Variants in MDN1 observed in about 807,000 individuals in gnomAD.
MDN1 encodes the protein midasin AAA ATPase 1.
Under a neutral mutation model 669.2 loss-of-function variants are expected in MDN1, and 266 were observed. That is an observed-to-expected ratio of 0.40 (90% CI 0.36 to 0.44). The LOEUF (loss-of-function observed/expected upper bound fraction) is 0.44. Ranked by LOEUF, MDN1 falls within the 20% of genes least tolerant of loss-of-function variation. The pLI, the probability that MDN1 is intolerant of heterozygous loss-of-function variation, is 1.00. For synonymous variants in MDN1, 2,385 were observed against 2,457.1 expected (o/e 0.97, Z 0.87); for missense variants, 5,940 against 6,754.0 (o/e 0.88, Z 4.22).
intron 2 of MDN1, among the ~76,000 whole-genome samples, chr6:89,801,400 C>T (rs1416299781): frequency 2.0e-5 from 3 of 152,170 alleles, no homozygotes; most frequent in Non-Finnish European, 4.4e-5. Flanking sequence ...CACCTATAAT[C>T]CCAGCAATCT....
rs1809467239 is a variant in MDN1, at chr6:89,658,259, G to A, written c.15133C>T (p.Gln5045Ter). The A allele has an allele frequency of 1.2e-6, 2 of 1,614,196 alleles. No homozygotes were observed. Among genetic ancestry groups the A allele is most frequent in the Non-Finnish European group, 1.7e-6 (2 of 1,180,034 alleles). ...GCGGCCCCAGCCAGCTCCATGGCCT[G>A]TGTGTTCTGCATGTTCTCCACACCA... Reference protein sequence around the residue: ...QTGVENMQNTQAMELAGAAPE... With the variant: ...QTGVENMQNT The change falls in exon 90 of 102, where the codon CAG becomes TAG. Residue 5045 changes from glutamine (Q) to a stop codon, truncating the protein, a stop_gained. Coordinates refer to ENST00000369393, the MANE Select transcript of MDN1 (RefSeq NM_014611.3). LOFTEE classifies it high-confidence loss of function.
chr6:89,744,933 T>C lies in MDN1; in HGVS notation c.4178+340A>G, dbSNP rs549978081. 1.6e-4 allele frequency among the ~76,000 whole-genome samples: 24 copies of C among 150,320 alleles called. No homozygotes were observed. In the South Asian group the frequency reaches 2.3e-3, roughly 15 times the overall value. ...TTTTCCATTAACAAAGAACCTAGTC[T>C]GAAGGTAGAGGAAACTAAACAGTAA... On this transcript the variant is annotated intron_variant, in intron 29 of 101. Coordinates refer to ENST00000369393, the MANE Select transcript of MDN1 (RefSeq NM_014611.3).
chr6:89,729,231 G>C (rs1165593474), intron 35 of MDN1, 92 bp from the exon 36 acceptor site: 40 of 958,336 alleles, frequency 4.2e-5, no homozygotes, highest in Middle Eastern at 6.4e-4. Context: ...CTACCACATG[G>C]GTTATCAGTT....
intron 27 of MDN1, among the ~76,000 whole-genome samples, chr6:89,746,080 A>G (rs1435631046): frequency 6.6e-6 from 1 of 152,204 alleles, no homozygotes; most frequent in Non-Finnish European, 1.5e-5. Context: ...TACATACTGC[A>G]TGGTGTCAGC....
chr6:89,776,776 G>T, intron 11 of MDN1, 81 bp from the exon 12 acceptor site: 1 of 1,015,552 alleles, frequency 9.8e-7, no homozygotes, highest in Non-Finnish European at 1.4e-6. Flanking sequence ...CTGGCCACAA[G>T]AGGGAGAAAC....
At chr6:89,720,622 C>A (rs1260359387) in intron 40 of MDN1, among the ~76,000 whole-genome samples, 1 of 152,094 alleles carries the variant, frequency 6.6e-6, no homozygotes, top group Non-Finnish European at 1.5e-5. Context: ...TGACCCAGCA[C>A]CTGACTAATC....
chr6:89,661,550 G>A lies in MDN1; in HGVS notation c.14594C>T (p.Pro4865Leu), dbSNP rs1562049068. The change falls in exon 88 of 102, where the codon CCT becomes CTT. Residue 4865 changes from proline to leucine, a missense_variant. By Grantham distance (98) the Pro-to-Leu change is moderately conservative. Transcript: ENST00000369393. The stretch of plus-strand genomic sequence containing the variant: ...CACCTTTTCCTGATTGCCATGGTAA[G>A]GGTCCACCTCATTTTCATCATAGTC... ...ERDYDENEVD[P>L]YHGNQEKVPE... 1 of 1,614,126 alleles carries A rather than the reference G, an allele frequency of 6.2e-7. No homozygotes were observed. The highest frequency in any genetic ancestry group is 8.5e-7 in the Non-Finnish European group (1 of 1,180,012).
At chr6:89,800,097 T>C (rs976834801) in intron 2 of MDN1, among the ~76,000 whole-genome samples, 1 of 151,996 alleles carries the variant, frequency 6.6e-6, no homozygotes, top group Non-Finnish European at 1.5e-5. Context: ...TAATAAATCA[T>C]GTCTTCCTAA....
rs772943353 is a variant in MDN1 at position 89,745,348 on chromosome 6, C to A, written c.4103G>T (p.Gly1368Val). 9 of 1,613,910 alleles carry A rather than the reference C, an allele frequency of 5.6e-6. No individual in the cohort carries two copies. In the African/African-American group the frequency reaches 1.2e-4, roughly 22 times the overall value. The change falls in exon 29 of 102, where the codon GGC becomes GTC. Residue 1368 changes from glycine (G) to valine (V), a missense_variant. Gly to Val is a moderately radical substitution (Grantham distance 109, BLOSUM62 -3). Transcript: ENST00000369393. Reference sequence around the variant, plus strand: ...CACTAGCATCGCGAGTCTCCGCATGCCCTCAGTCCACACGATATGGCCAAA... The same window carrying A: ...CACTAGCATCGCGAGTCTCCGCATGACCTCAGTCCACACGATATGGCCAAA... ...CNFGHIVWTE[G>V]MRRLAMLVGR...
intron 13 of MDN1, among the ~76,000 whole-genome samples, chr6:89,773,473 G>A (rs1818207992): frequency 2.7e-5 from 4 of 150,474 alleles, no homozygotes; most frequent in Admixed American, 2.7e-4. Context: ...CCTGGAGGTG[G>A]AGGTTGCAGT....
intron 14 of MDN1, among the ~76,000 whole-genome samples, chr6:89,771,921 G>A (rs906097806): frequency 6.6e-6 from 1 of 151,990 alleles, no homozygotes; most frequent in African/African-American, 2.4e-5. Context: ...TTGCCAGGCT[G>A]GTCTTGAACT....
intron 33 of MDN1, among the ~76,000 whole-genome samples, chr6:89,733,805 G>A (rs1036982765): frequency 5.3e-5 from 8 of 151,684 alleles, no homozygotes; most frequent in Admixed American, 3.3e-4. Context: ...AAATGAAAAT[G>A]AAAAAATCCA....
rs749580571 is a variant in MDN1, at chr6:89,776,629, C to T, written c.1792G>A (p.Gly598Arg). The change falls in exon 12 of 102, where the codon GGA becomes AGA. Residue 598 changes from glycine to arginine, a missense_variant. This residue lies in a region of MDN1 where 1,203 missense variants were observed against 1,268.9 expected (regional missense o/e 0.95). Coordinates refer to ENST00000369393, the MANE Select transcript of MDN1 (RefSeq NM_014611.3). The stretch of plus-strand genomic sequence containing the variant: ...TTTCTAGAAATGTTCAATTTGCTTC[C>T]AATAACTTCTGCCATTTTCAGTTTG... ...TSKLKMAEVI[G>R]SKLNISRKKA... The T allele has an allele frequency of 1.2e-6, 2 of 1,612,682 alleles. No homozygotes were observed. The highest frequency in any genetic ancestry group is 1.1e-5 in the South Asian group (1 of 91,032).
At chr6:89,811,523 G>A (rs1026594020) in intron 1 of MDN1, among the ~76,000 whole-genome samples, 5 of 151,584 alleles carry the variant, frequency 3.3e-5, no homozygotes, top group Non-Finnish European at 5.9e-5. Context: ...TGTGACCTCC[G>A]CGTCCCTCTC....
intron 24 of MDN1, 73 bp downstream of exon 24, chr6:89,750,281 G>T: frequency 7.0e-7 from 1 of 1,432,560 alleles, no homozygotes; most frequent in Non-Finnish European, 9.6e-7. Context: ...TGGAAAGGAT[G>T]AAGAATATTA....
intron 35 of MDN1, among the ~76,000 whole-genome samples, chr6:89,730,111 T>G (rs1005606331): frequency 6.6e-6 from 1 of 152,210 alleles, no homozygotes; most frequent in African/African-American, 2.4e-5. Flanking sequence ...GTAGCTAATC[T>G]AACTGCCTCA....
intron 1 of MDN1, among the ~76,000 whole-genome samples, chr6:89,813,725 C>T (rs915911957): frequency 1.3e-5 from 2 of 151,710 alleles, no homozygotes; most frequent in Non-Finnish European, 2.9e-5. Flanking sequence ...GACACTGTTT[C>T]GGGCAGGGGA....
rs1213329862 is a variant in MDN1, at chr6:89,659,634, C to CA, written c.14714-718dup. ...ATTAAAAAATAATAGCTAATCCACC[C>CA]AAAAAAACCCCCATAAACAAACAAA... On this transcript the variant is annotated intron_variant, in intron 88 of 101. Transcript: ENST00000369393. Among the ~76,000 whole-genome samples the CA allele has an allele frequency of 5.3e-5, 8 of 151,982 alleles. No individual in the cohort carries two copies. The East Asian group carries it at 1.2e-3, about 22-fold the overall frequency.
chr6:89,802,518 A>G (rs1298407509), intron 2 of MDN1, among the ~76,000 whole-genome samples: 1 of 152,160 alleles, frequency 6.6e-6, no homozygotes, highest in Non-Finnish European at 1.5e-5. Flanking sequence ...CCCCGTCTCT[A>G]CTAAAAATAC....
Sources: allele counts gnomAD v4.1 joint callset (sites outside exome capture counted in the v4.1 genomes callset), GRCh38; gene constraint gnomAD v4.1.1; regional missense constraint gnomAD v4.1.1; transcripts MANE v1.5; gene names NCBI Gene and HGNC (gene_info 2026-07-23, HGNC 2026-07-21).